The following CCDC158 variants were observed in gnomAD, a reference collection of about 807,000 sequenced individuals.
CCDC158 encodes the protein coiled-coil domain-containing protein 158.
Under a neutral mutation model 138.6 loss-of-function variants are expected in CCDC158, and 116 were observed. The observed-to-expected ratio is 0.84, with a 90% CI of 0.72 to 0.98. CCDC158 has a LOEUF of 0.98. Among genes scored for constraint, CCDC158 ranks in the 50% least tolerant of loss-of-function variants. CCDC158 has a pLI of 0.00. For missense variants in CCDC158, 1,265 were observed against 1,306.1 expected, an observed-to-expected ratio of 0.97 and a Z score of 0.48; for synonymous variants, 436 against 442.4, an observed-to-expected ratio of 0.99 and a Z score of 0.18.
At chr4:76,413,791 AC>A (rs1729483486) in intron 1 of CCDC158, among the ~76,000 whole-genome samples, 1 of 152,236 alleles carries the variant, frequency 6.6e-6, no homozygotes, top group African/African-American at 2.4e-5. Flanking sequence ...CAAAAACCTG[AC>A]CTAAAATATG....
chr4:76,344,483 C>G (rs1353958254), intron 18 of CCDC158: 2 of 742,842 alleles, frequency 2.7e-6, no homozygotes, highest in Non-Finnish European at 4.9e-6. Context: ...TGGGCAGGAG[C>G]TCAAGAGCTA....
chr4:76,362,191 T>C lies in CCDC158; in HGVS notation c.1955A>G (p.Lys652Arg), dbSNP rs966333800. Reference protein sequence around the residue: ...SERLRAVKDIKQERDQLLNEV... With the variant: ...SERLRAVKDIRQERDQLLNEV... ...ATTTAATAATTGATCTCTCTCTTGT[T>C]TGATGTCCTTCACTGCACGGAGCCG... Residue 652 changes from lysine (K) to arginine (R), a missense_variant, in exon 13 of 25, where the codon AAA becomes AGA. Coordinates refer to ENST00000682701, the MANE Select transcript of CCDC158 (RefSeq NM_001394954.1). The C allele has an allele frequency of 1.9e-6, 3 of 1,614,164 alleles. No individual in the cohort carries two copies. Among genetic ancestry groups the C allele is most frequent in the Non-Finnish European group, 2.5e-6 (3 of 1,180,026 alleles).
intron 3 of CCDC158, among the ~76,000 whole-genome samples, chr4:76,400,866 G>A (rs975180107): frequency 3.3e-5 from 5 of 152,204 alleles, no homozygotes; most frequent in African/African-American, 9.7e-5. Flanking sequence ...AAGGGGAAAG[G>A]AAGTTGAGAA....
intron 4 of CCDC158, among the ~76,000 whole-genome samples, chr4:76,388,398 A>G (rs897276215): frequency 2.6e-5 from 4 of 152,110 alleles, no homozygotes; most frequent in Admixed American, 1.3e-4. Context: ...AACATTCACC[A>G]CAAGCTGATC....
At position 76,367,649 on chromosome 4, in the gene CCDC158, T is replaced by C. The variant is rs1724815871; in HGVS notation, c.1475A>G (p.Glu492Gly). The change falls in exon 12 of 25, where the codon GAG becomes GGG. Residue 492 changes from glutamate (E) to glycine (G), a missense_variant. By Grantham distance (98) the Glu-to-Gly change is moderately conservative. Coordinates refer to ENST00000682701, the MANE Select transcript of CCDC158 (RefSeq NM_001394954.1). Reference protein sequence around the residue: ...EELTAKKMTLESSERTISDLT... With the variant: ...EELTAKKMTLGSSERTISDLT... The stretch of plus-strand genomic sequence containing the variant: ...GTCCGATATTGTCCTCTCTGAGCTC[T>C]CCAGAGTCATTTTCTTGGCTGTCAA... 1 of 1,614,232 alleles carries C rather than the reference T, an allele frequency of 6.2e-7. No homozygotes were observed. The highest frequency in any genetic ancestry group is 8.5e-7 in the Non-Finnish European group (1 of 1,180,048).
intron 4 of CCDC158, among the ~76,000 whole-genome samples, chr4:76,395,701 G>C (rs76915493): frequency 0.025 from 3,840 of 152,298 alleles, 63 homozygotes; most frequent in Middle Eastern, 0.034. Flanking sequence ...AAATGTACCA[G>C]GGAGAGGTTA....
chr4:76,376,662 C>T (rs572936581), intron 9 of CCDC158, among the ~76,000 whole-genome samples: 18 of 152,280 alleles, frequency 1.2e-4, no homozygotes, highest in Non-Finnish European at 2.4e-4. Flanking sequence ...CCTTGCTCAG[C>T]TACACCATGT....
At chr4:76,368,500 G>GCTTT (rs1394737258) in intron 11 of CCDC158, among the ~76,000 whole-genome samples, 3 of 152,192 alleles carry the variant, frequency 2.0e-5, no homozygotes, top group African/African-American at 7.2e-5. Context: ...CCCTTGGTTT[G>GCTTT]CTTTCACATT....
chr4:76,352,482 T>G (rs1723144997), intron 16 of CCDC158: 1 of 152,238 alleles, frequency 6.6e-6, no homozygotes, highest in South Asian at 2.1e-4. Flanking sequence ...TAGCATGTTT[T>G]AAGAAACAAA....
intron 1 of CCDC158, among the ~76,000 whole-genome samples, chr4:76,415,141 T>C (rs1729590722): frequency 2.0e-5 from 3 of 152,190 alleles, no homozygotes; most frequent in Admixed American, 2.0e-4. Context: ...GTTCTTGCTA[T>C]GTAAGAACTT....
At chr4:76,325,245 C>T (rs1042886458) in intron 23 of CCDC158, among the ~76,000 whole-genome samples, 3 of 152,156 alleles carry the variant, frequency 2.0e-5, no homozygotes. Flanking sequence ...GATGATAATA[C>T]AACTTTGTCT....
rs749408894 is a variant in CCDC158 at position 76,367,451 on chromosome 4, G to A, written c.1673C>T (p.Thr558Ile). The change falls in exon 12 of 25, where the codon ACA (threonine) becomes ATA (isoleucine). Residue 558 changes from threonine (T) to isoleucine (I), a missense_variant. Transcript: ENST00000682701. ...TECEALKLQMTEKDKVIEILR... is the reference protein window; with the variant it reads ...TECEALKLQMIEKDKVIEILR... The stretch of plus-strand genomic sequence containing the variant: ...AATCTCGATCACCTTGTCCTTCTCT[G>A]TCATCTGCAGTTTGAGGGCCTCACA... 5.0e-6 allele frequency: 8 copies of A among 1,614,072 alleles called. No homozygotes were observed. The South Asian group carries it at 8.8e-5, about 18-fold the overall frequency.
intron 13 of CCDC158, among the ~76,000 whole-genome samples, chr4:76,357,991 GCACACA>G (rs3041129): frequency 6.7e-6 from 1 of 148,778 alleles, no homozygotes; most frequent in Admixed American, 6.7e-5. Flanking sequence ...ACACATGTGT[GCACACA>G]CACACACACA....
intron 4 of CCDC158, among the ~76,000 whole-genome samples, chr4:76,387,577 C>T (rs1268838209): frequency 2.6e-5 from 4 of 152,058 alleles, no homozygotes; most frequent in Non-Finnish European, 5.9e-5. Context: ...GTAGTCCCAG[C>T]ACTTTGGGAG....
chr4:76,314,567 T>C lies in CCDC158; in HGVS notation c.3278-1321A>G, dbSNP rs571676885. On this transcript the variant is annotated intron_variant, in intron 24 of 24. Coordinates refer to ENST00000682701, the MANE Select transcript of CCDC158 (RefSeq NM_001394954.1). Reference sequence around the variant, plus strand: ...GGTAAAAAACTGTGAGTTCCCAAAGTGTGGAGGGGGAAATCCTGCCTCTCA... The same window carrying C: ...GGTAAAAAACTGTGAGTTCCCAAAGCGTGGAGGGGGAAATCCTGCCTCTCA... Among the ~76,000 whole-genome samples the C allele has an allele frequency of 7.2e-5, 11 of 152,324 alleles. No homozygotes were observed. In the South Asian group the frequency reaches 2.3e-3, roughly 32 times the overall value.
intron 15 of CCDC158, 37 bp downstream of exon 15, chr4:76,355,287 A>T: frequency 7.7e-7 from 1 of 1,300,194 alleles, no homozygotes; most frequent in African/African-American, 1.5e-5. Context: ...CTGTGAGTGA[A>T]CATGTTGGTT....
At chr4:76,369,838 G>T (rs1221203162) in intron 10 of CCDC158, among the ~76,000 whole-genome samples, 1 of 152,110 alleles carries the variant, frequency 6.6e-6, no homozygotes, top group Non-Finnish European at 1.5e-5. Context: ...TATCTCGAGG[G>T]ACTAGACCTC....
intron 1 of CCDC158, among the ~76,000 whole-genome samples, chr4:76,412,376 G>A (rs551008314): frequency 6.6e-6 from 1 of 152,210 alleles, no homozygotes; most frequent in South Asian, 2.1e-4. Flanking sequence ...ACTTTGGGAG[G>A]CTGAGGAAGG....
intron 1 of CCDC158, among the ~76,000 whole-genome samples, chr4:76,416,365 C>G (rs1729697349): frequency 6.6e-6 from 1 of 152,166 alleles, no homozygotes; most frequent in African/African-American, 2.4e-5. Flanking sequence ...TCTTTTATCT[C>G]TTTGTCTTGT....
Sources: allele counts gnomAD v4.1 joint callset (sites outside exome capture counted in the v4.1 genomes callset), GRCh38; gene constraint gnomAD v4.1.1; transcripts MANE v1.5; gene names NCBI Gene and HGNC (gene_info 2026-07-23, HGNC 2026-07-21).